SH2D3C: variants seen among roughly 807,000 people sequenced by gnomAD.
SH2D3C encodes the protein SH2 domain-containing protein 3C.
A neutral mutation model predicts 75.2 loss-of-function variants in SH2D3C; 25 were observed. That is an observed-to-expected ratio of 0.33 (90% CI 0.24 to 0.46). The LOEUF is 0.46. SH2D3C is among the 20% of genes least tolerant of loss of function. The pLI is 1.00. For missense variants in SH2D3C, 933 were observed against 1,165.3 expected (o/e 0.80, Z 2.90); for synonymous variants, 450 against 473.7 (o/e 0.95, Z 0.65).
chr9:127,755,042 C>G (rs892071060), intron 3 of SH2D3C: 2 of 1,069,244 alleles, frequency 1.9e-6, no homozygotes, highest in Admixed American at 4.8e-5. Context: ...GGGGTCCCAG[C>G]CCGGCGCGCG....
chr9:127,774,361 G>C lies in SH2D3C; in HGVS notation c.144C>G (p.Asp48Glu), dbSNP rs1230175015. Residue 48 changes from aspartate (D) to glutamate (E), a missense_variant, in exon 2 of 12, where the codon GAC becomes GAG. By Grantham distance (45) the Asp-to-Glu change is conservative. Coordinates refer to ENST00000314830, the MANE Select transcript of SH2D3C (RefSeq NM_170600.3). This position sits in a 1 kb window ranked among gnomAD's most constrained non-coding sequence, Gnocchi z 4.3. ...TGTCATCCTGCGTGGCTTCAAAGGT[G>C]TCAGGCTCCAAATGGGACTGCCTAC... is the stretch of plus-strand genomic sequence containing the variant. ...SISRQSHLEP[D>E]TFEATQDDMV... The C allele has an allele frequency of 6.2e-7, 1 of 1,613,608 alleles. No homozygotes were observed. Among genetic ancestry groups the C allele is most frequent in the African/African-American group, 1.3e-5 (1 of 74,930 alleles).
At position 127,774,371 on chromosome 9, in the gene SH2D3C, A is replaced by C. The variant is rs1334604318; in HGVS notation, c.134T>G (p.Leu45Trp). Residue 45 changes from leucine to tryptophan, a missense_variant, in exon 2 of 12, where the codon TTG becomes TGG. By Grantham distance (61) the Leu-to-Trp change is moderately conservative (BLOSUM62 -2). Coordinates refer to ENST00000314830, the MANE Select transcript of SH2D3C (RefSeq NM_170600.3). The surrounding 1 kb of genome is among the most constrained non-coding windows in gnomAD (Gnocchi z 4.3). ...SSASISRQSH[L>W]EPDTFEATQD... ...CGTGGCTTCAAAGGTGTCAGGCTCCAAATGGGACTGCCTACTGATGGAAGC... is the reference window on the plus strand; with the variant it reads ...CGTGGCTTCAAAGGTGTCAGGCTCCCAATGGGACTGCCTACTGATGGAAGC... 2 of 1,613,824 alleles carry C rather than the reference A, an allele frequency of 1.2e-6. No individual in the cohort carries two copies. Among genetic ancestry groups the C allele is most frequent in the Admixed American group, 3.3e-5 (2 of 60,014 alleles).
chr9:127,771,432 C>G, intron 2 of SH2D3C: 1 of 1,235,892 alleles, frequency 8.1e-7, no homozygotes, highest in Non-Finnish European at 1.0e-6. Context: ...AGGACGCTCT[C>G]CGCCTCGAAC....
intron 1 of SH2D3C, among the ~76,000 whole-genome samples, chr9:127,776,638 T>C (rs1206563889): frequency 1.3e-5 from 2 of 152,222 alleles, no homozygotes; most frequent in Non-Finnish European, 2.9e-5. Context: ...CTCAGCATCC[T>C]CCACCTCCTC....
intron 2 of SH2D3C, among the ~76,000 whole-genome samples, chr9:127,766,531 G>T (rs1416541649): frequency 6.6e-6 from 1 of 152,102 alleles, no homozygotes; most frequent in Non-Finnish European, 1.5e-5. Flanking sequence ...TGCCCCTCCT[G>T]GGGGGCTGAA....
chr9:127,745,094 G>A lies in SH2D3C; in HGVS notation c.1270C>T (p.Arg424Cys), dbSNP rs781179615. 2.5e-5 allele frequency: 38 copies of A among 1,500,110 alleles called. No homozygotes were observed. Among genetic ancestry groups the A allele is most frequent in the Non-Finnish European group, 3.0e-5 (34 of 1,127,202 alleles). 92.9% of individuals were successfully genotyped at this position (1,500,110 alleles called of 1,614,324 possible). Reference sequence around the variant, plus strand: ...GGGGCTGCAGGGGCGGCATGGACACGGGTTACTGCAGAAAGGTAGAGAGAG... The same window carrying A: ...GGGGCTGCAGGGGCGGCATGGACACAGGTTACTGCAGAAAGGTAGAGAGAG... ...PSSPAYSTVT[R>C]VHAAPAAPSA... is the part of the protein sequence containing the mutation. The change falls in exon 7 of 12, where the codon CGT (arginine) becomes TGT (cysteine). Residue 424 changes from arginine (R) to cysteine (C), a missense_variant. Arg to Cys is a radical substitution (Grantham distance 180). Transcript: ENST00000314830.
At chr9:127,771,211 T>C in intron 2 of SH2D3C, 1 of 1,546,786 alleles carries the variant, frequency 6.5e-7, no homozygotes, top group Non-Finnish European at 8.7e-7. Context: ...GCGGGGCACC[T>C]TCGGCCCACA....
intron 8 of SH2D3C, 105 bp downstream of exon 8, chr9:127,742,744 C>G (rs1844900799): frequency 1.3e-6 from 1 of 774,372 alleles, no homozygotes. Flanking sequence ...GCCAGAGCCC[C>G]CTGGGAGCCG....
chr9:127,749,574 C>T lies in SH2D3C; in HGVS notation c.776G>A (p.Arg259His), dbSNP rs575748112. The change falls in exon 5 of 12, where the codon CGC becomes CAC. Residue 259 changes from arginine (R) to histidine (H), a missense_variant. Transcript: ENST00000314830. The surrounding 1 kb of genome is among the most constrained non-coding windows in gnomAD (Gnocchi z 5.9). ...LGDYVLTCRWRNQALHFKINK... is the reference protein window; with the variant it reads ...LGDYVLTCRWHNQALHFKINK... ...GATCTTGAAGTGCAAGGCCTGGTTG[C>T]GCCAGCGGCACGTGAGCACATAGTC... 2.4e-5 allele frequency: 39 copies of T among 1,610,544 alleles called. 1 individual carries two copies. The Admixed American group carries it at 3.9e-4, about 16-fold the overall frequency.
rs974798582 is a variant in SH2D3C, at chr9:127,766,936, G to A, written c.516-5286C>T. 17 of 1,535,674 alleles carry A rather than the reference G, an allele frequency of 1.1e-5. No homozygotes were observed. In the African/African-American group the frequency reaches 2.2e-4, roughly 20 times the overall value. Reference sequence around the variant, plus strand: ...GAAGCAACGGGCACCTGCCTGCTCTGAGCTTCTCAGTCCTTAAAGGCCCTG... The same window carrying A: ...GAAGCAACGGGCACCTGCCTGCTCTAAGCTTCTCAGTCCTTAAAGGCCCTG... On this transcript the variant is annotated intron_variant, in intron 2 of 11. Transcript: ENST00000314830.
chr9:127,775,654 T>A (rs1254710932), intron 1 of SH2D3C, among the ~76,000 whole-genome samples: 1 of 144,320 alleles, frequency 6.9e-6, no homozygotes, highest in Non-Finnish European at 1.5e-5. Flanking sequence ...TAAATAAAAA[T>A]AAAAAGTTAG....
At position 127,744,715 on chromosome 9, in the gene SH2D3C, G is replaced by A. The variant is rs1844970762; in HGVS notation, c.1649C>T (p.Thr550Ile). 1 of 1,614,252 alleles carries A rather than the reference G, an allele frequency of 6.2e-7. No individual in the cohort carries two copies. Reference protein sequence around the residue: ...KTFTVPIVEVTSSFNPATFQS... With the variant: ...KTFTVPIVEVISSFNPATFQS... ...GAAGGTGGCCGGGTTGAAGGAAGAA[G>A]TGACTTCCACGATGGGGACTGTGAA... is the stretch of plus-strand genomic sequence containing the variant. The change falls in exon 7 of 12, where the codon ACT (threonine) becomes ATT (isoleucine). Residue 550 changes from threonine to isoleucine, a missense_variant. By Grantham distance (89) the Thr-to-Ile change is moderately conservative. Coordinates refer to ENST00000314830, the MANE Select transcript of SH2D3C (RefSeq NM_170600.3).
chr9:127,755,253 C>T, intron 3 of SH2D3C: 2 of 984,874 alleles, frequency 2.0e-6, no homozygotes, highest in African/African-American at 1.8e-5. Context: ...ACCGGCTGCG[C>T]GTGCCTCTCA....
At chr9:127,744,414 GC>G in intron 7 of SH2D3C, 149 bp downstream of exon 7, 1 of 1,035,284 alleles carries the variant, frequency 9.7e-7, no homozygotes, top group Non-Finnish European at 1.4e-6. Flanking sequence ...TAAATGACCA[GC>G]CCAGAGTCAC....
chr9:127,755,385 G>T, intron 3 of SH2D3C: 1 of 341,326 alleles, frequency 2.9e-6, no homozygotes, highest in Non-Finnish European at 5.0e-6. Flanking sequence ...CCCGCCCCCC[G>T]CTCCCAGCCC....
chr9:127,745,251 G>A (rs1844993666), intron 6 of SH2D3C, 152 bp from the exon 7 acceptor site: 4 of 593,356 alleles, frequency 6.7e-6, no homozygotes, highest in Non-Finnish European at 1.0e-5. Context: ...GACCAGGGCC[G>A]ATTGACTCTG....
intron 9 of SH2D3C, among the ~76,000 whole-genome samples, chr9:127,741,021 G>A (rs763811152): frequency 7.9e-5 from 12 of 152,058 alleles, no homozygotes; most frequent in Non-Finnish European, 1.3e-4. Context: ...GCTCAGCTCT[G>A]AAGTCAGCCA....
chr9:127,744,896 G>A lies in SH2D3C; in HGVS notation c.1468C>T (p.Pro490Ser), dbSNP rs2233511. Residue 490 changes from proline to serine, a missense_variant, in exon 7 of 12, where the codon CCG (proline) becomes TCG (serine). By Grantham distance (74) the Pro-to-Ser change is moderately conservative. Transcript: ENST00000314830. ...AGCTGGCAGTAGTGGCCAGAGTCCG[G>A]GTCACTGTAGCTGCTGAGTGATGGT... The part of the protein sequence containing the change: ...PSPSLSSYSD[P>S]DSGHYCQLQP... 2.2e-4 allele frequency: 357 copies of A among 1,612,144 alleles called. No homozygotes were observed. Among genetic ancestry groups the A allele is most frequent in the Middle Eastern group, 1.3e-3 (8 of 6,054 alleles).
intron 3 of SH2D3C, among the ~76,000 whole-genome samples, chr9:127,758,430 A>G (rs1845448949): frequency 6.6e-6 from 1 of 152,196 alleles, no homozygotes; most frequent in Non-Finnish European, 1.5e-5. Context: ...GGAAAAAAAT[A>G]TAAAGCCAAC....
Sources: gnomAD v4.1 joint callset for allele counts (sites outside exome capture counted in the v4.1 genomes callset) on GRCh38, gnomAD v4.1.1 for gene constraint, Gnocchi (gnomAD v3.1) non-coding constraint, MANE v1.5 for transcripts, NCBI Gene and HGNC (gene_info 2026-07-23, HGNC 2026-07-21) for gene names.